The following UNC13C variants were observed in gnomAD, a reference collection of about 807,000 sequenced individuals.
UNC13C encodes protein unc-13 homolog C.
UNC13C carries 174 observed loss-of-function variants against 245.4 expected under a neutral mutation model. The observed-to-expected ratio is 0.71, with a 90% confidence interval of 0.63 to 0.80. The LOEUF (loss-of-function observed/expected upper bound fraction) is 0.80. Among genes scored for constraint, UNC13C ranks in the 30% least tolerant of loss-of-function variants. The probability of loss-of-function intolerance (pLI) is 0.00; values close to 1 mark genes in which losing one functional copy is unlikely to be tolerated. For synonymous variants in UNC13C, 992 were observed against 895.1 expected, an observed-to-expected ratio of 1.11 and a Z score of -1.93; for missense variants, 2,829 against 2,602.9, an observed-to-expected ratio of 1.09 and a Z score of -1.89.
intron 10 of UNC13C, among the ~76,000 whole-genome samples, chr15:54,268,910 T>A (rs927159259): frequency 6.6e-6 from 1 of 152,120 alleles, no homozygotes; most frequent in Non-Finnish European, 1.5e-5. Flanking sequence ...ATTGTTGAAA[T>A]CTTCCTTCTG....
chr15:54,158,227 A>G (rs1235017669), intron 4 of UNC13C, among the ~76,000 whole-genome samples: 1 of 152,242 alleles, frequency 6.6e-6, no homozygotes. Context: ...ACCTCATCAG[A>G]GATTCTTCCC....
At chr15:53,908,548 G>A in the UNC13C span, among the ~76,000 whole-genome samples, 15 of 144,542 alleles carry the variant, frequency 1.0e-4, no homozygotes, top group African/African-American at 3.2e-4. Context: ...AGACCAGCCT[G>A]GGCAACATGG....
rs773658003 is a variant in UNC13C, at chr15:54,014,846, T to G, written c.1943T>G (p.Leu648Arg). 3.7e-6 allele frequency: 6 copies of G among 1,613,722 alleles called. No homozygotes were observed. In the African/African-American group the frequency reaches 8.0e-5, roughly 22 times the overall value. The change falls in exon 2 of 33, where the codon CTC becomes CGC. Residue 648 changes from leucine (L) to arginine (R), a missense_variant. Physicochemically the swap from Leu to Arg is moderately radical, Grantham distance 102 (BLOSUM62 -2). Transcript: ENST00000260323. ...GDRSHYSDSQ[L>R]SLHEDLSPWK... is the part of the protein sequence containing the mutation. Reference sequence around the variant, plus strand: ...CGGAGTCATTACAGTGATTCTCAGCTCTCTTTACATGAGGATCTTTCTCCA... The same window carrying G: ...CGGAGTCATTACAGTGATTCTCAGCGCTCTTTACATGAGGATCTTTCTCCA...
Position 54,622,434 on chromosome 15 carries a change from T to A in UNC13C, c.6199+15T>A. ...CACTGTAAAAGGTATACTTCTGGTCTAGATAAATCAAAACAGCCTTCTAAA... is the reference window on the plus strand; with the variant it reads ...CACTGTAAAAGGTATACTTCTGGTCAAGATAAATCAAAACAGCCTTCTAAA... On this transcript the variant is annotated intron_variant, in intron 31 of 32. Coordinates refer to ENST00000260323, the MANE Select transcript of UNC13C (RefSeq NM_001080534.3). The A allele has an allele frequency of 6.3e-7, 1 of 1,591,934 alleles. No individual in the cohort carries two copies. Among genetic ancestry groups the A allele is most frequent in the Non-Finnish European group, 8.6e-7 (1 of 1,160,138 alleles).
chr15:54,021,785 A>T (rs547081826), intron 2 of UNC13C, among the ~76,000 whole-genome samples: 7 of 152,242 alleles, frequency 4.6e-5, no homozygotes, highest in Non-Finnish European at 1.0e-4. Context: ...CCAAAAGATT[A>T]TAATACTGTA....
the UNC13C span, among the ~76,000 whole-genome samples, chr15:53,936,205 G>A: frequency 6.6e-6 from 1 of 152,198 alleles, no homozygotes; most frequent in Admixed American, 6.5e-5. Flanking sequence ...TAGCCTGCTG[G>A]CTCTGGGGAG....
chr15:53,885,664 A>C, the UNC13C span, among the ~76,000 whole-genome samples: 1 of 152,190 alleles, frequency 6.6e-6, no homozygotes, highest in Non-Finnish European at 1.5e-5. Flanking sequence ...TCTCTGGTCA[A>C]CCTGTCCTTA....
chr15:54,560,883 C>T (rs544712560), intron 29 of UNC13C, among the ~76,000 whole-genome samples: 7 of 152,062 alleles, frequency 4.6e-5, no homozygotes, highest in African/African-American at 1.2e-4. Flanking sequence ...GCAATTAAAG[C>T]AGGCATATAG....
rs1319480638 is a variant in UNC13C, at chr15:54,265,425, T to G, written c.3747T>G (p.Val1249=). The G allele has an allele frequency of 2.5e-6, 4 of 1,583,692 alleles. No homozygotes were observed. The highest frequency in any genetic ancestry group is 1.3e-5 in the African/African-American group (1 of 74,486). The change falls in exon 10 of 33, where the codon GTT becomes GTG. Residue 1249 remains valine, a synonymous_variant. Transcript: ENST00000260323. ...GTGATCCATATGTTACAGTTCAAGTTGGAAAGAACAAAAGAAGAACAAAAA... is the reference window on the plus strand; with the variant it reads ...GTGATCCATATGTTACAGTTCAAGTGGGAAAGAACAAAAGAAGAACAAAAA... The part of the protein sequence containing the change: ...GSSDPYVTVQ[V]GKNKRRTKTI...
At chr15:54,075,251 C>G (rs1296206024) in intron 2 of UNC13C, among the ~76,000 whole-genome samples, 1 of 151,904 alleles carries the variant, frequency 6.6e-6, no homozygotes, top group South Asian at 2.1e-4. Context: ...TTTGAGAGGC[C>G]GAGGCGGGCG....
At chr15:53,997,534 T>C (rs1478474374) in intron 1 of UNC13C, among the ~76,000 whole-genome samples, 2 of 152,178 alleles carry the variant, frequency 1.3e-5, no homozygotes, top group African/African-American at 4.8e-5. Flanking sequence ...ACAATTTTAG[T>C]TCAGCTGAAA....
intron 18 of UNC13C, among the ~76,000 whole-genome samples, chr15:54,414,221 T>G (rs1338445537): frequency 6.6e-6 from 1 of 152,080 alleles, no homozygotes; most frequent in Admixed American, 6.6e-5. Flanking sequence ...TAATAGATAA[T>G]AGAAAAAATA....
intron 28 of UNC13C, among the ~76,000 whole-genome samples, chr15:54,554,478 C>G (rs1259277956): frequency 6.6e-6 from 1 of 152,120 alleles, no homozygotes; most frequent in Non-Finnish European, 1.5e-5. Context: ...ACCAAAGGCA[C>G]TGCTTTACTC....
At chr15:54,380,579 T>C (rs188994916) in intron 17 of UNC13C, among the ~76,000 whole-genome samples, 149 of 152,286 alleles carry the variant, frequency 9.8e-4, no homozygotes, top group Admixed American at 2.5e-3. Context: ...TACATTCCCA[T>C]CAAAAGTGTG....
rs554501657 is a variant in UNC13C at position 54,499,934 on chromosome 15, G to A, written c.5061-145G>A. On this transcript the variant is annotated intron_variant, in intron 20 of 32. Coordinates refer to ENST00000260323, the MANE Select transcript of UNC13C (RefSeq NM_001080534.3). ...ACTGATTTGATGGAGAACAGGTAAA[G>A]GTCTCTGAGGAAGCAAAACTGCAAG... 19 of 619,662 alleles carry A rather than the reference G, an allele frequency of 3.1e-5. No homozygotes were observed. In the East Asian group the frequency reaches 3.7e-4, roughly 12 times the overall value. 38.4% of individuals were successfully genotyped at this position (619,662 alleles called of 1,614,324 possible). A position where few individuals can be genotyped will look rare whatever the true frequency, so the allele number is the denominator to read the frequency against.
chr15:54,127,448 C>A (rs2031119558), intron 2 of UNC13C, among the ~76,000 whole-genome samples: 1 of 151,932 alleles, frequency 6.6e-6, no homozygotes, highest in Non-Finnish European at 1.5e-5. Flanking sequence ...AGCAAACTAA[C>A]ACAGGAACAG....
intron 19 of UNC13C, among the ~76,000 whole-genome samples, chr15:54,460,788 C>T (rs1466159488): frequency 1.3e-5 from 2 of 152,176 alleles, no homozygotes; most frequent in African/African-American, 4.8e-5. Context: ...AGCAGAAGTT[C>T]ACAAAATGAA....
chr15:53,981,470 A>G (rs1368775654), intron 1 of UNC13C, among the ~76,000 whole-genome samples: 1 of 152,188 alleles, frequency 6.6e-6, no homozygotes, highest in African/African-American at 2.4e-5. Flanking sequence ...TGTACCTAAT[A>G]TCAATTCATT....
At position 54,049,943 on chromosome 15, in the gene UNC13C, C is replaced by A. The variant is rs1897202572; in HGVS notation, c.2983+34057C>A. ...ATTTTTAAAATGATGCCATCATAAG[C>A]CTTCTGTAAAACTTTAGCATTTGAT... On this transcript the variant is annotated intron_variant, in intron 2 of 32. Transcript: ENST00000260323. 3 of 225,696 alleles carry A rather than the reference C, an allele frequency of 1.3e-5. No homozygotes were observed. In the South Asian group the frequency reaches 1.9e-4, roughly 14 times the overall value. The allele number at this position is 225,696 out of a possible 1,614,324, so 14.0% of individuals were successfully genotyped here.
Sources: gnomAD v4.1 joint callset for allele counts (sites outside exome capture counted in the v4.1 genomes callset) on GRCh38, gnomAD v4.1.1 for gene constraint, MANE v1.5 for transcripts, NCBI Gene and HGNC (gene_info 2026-07-23, HGNC 2026-07-21) for gene names.